Variants in DSEL observed in about 807,000 individuals in gnomAD.
DSEL encodes the protein dermatan-sulfate epimerase-like protein.
DSEL carries 61 observed loss-of-function variants against 96.6 expected under a neutral mutation model. The ratio of observed to expected loss-of-function variants is 0.63; its 90% CI spans 0.51 to 0.78. DSEL has a LOEUF of 0.78. Among genes scored for constraint, DSEL ranks in the 30% least tolerant of loss-of-function variants. DSEL has a pLI of 0.00. For synonymous variants in DSEL, 514 were observed against 502.0 expected, an observed-to-expected ratio of 1.02 and a Z score of -0.32; for missense variants, 1,320 against 1,430.8, an observed-to-expected ratio of 0.92 and a Z score of 1.25.
At chr18:67,515,978 C>G (rs1033409396) in intron 1 of DSEL, among the ~76,000 whole-genome samples, 2 of 148,732 alleles carry the variant, frequency 1.3e-5, no homozygotes, top group African/African-American at 5.0e-5. Context: ...CTAATGAGAA[C>G]TACTCGGACC....
Position 67,511,789 on chromosome 18 carries a change from A to T in DSEL, c.2820T>A (p.His940Gln), listed in dbSNP as rs145407597. The change falls in exon 2 of 2, where the codon CAT (histidine) becomes CAA (glutamine). Residue 940 changes from histidine to glutamine, a missense_variant. Physicochemically the swap from His to Gln is conservative, Grantham distance 24 (BLOSUM62 0). Transcript: ENST00000310045. ...TKLHLQNIHLHEPNRGKLAQY... is the reference protein window; with the variant it reads ...TKLHLQNIHLQEPNRGKLAQY... ...GGGCCAGTTTACCCCTATTGGGTTC[A>T]TGCAGATGGATGTTTTGCAAATGTA... The T allele has an allele frequency of 6.2e-7, 1 of 1,614,048 alleles. No individual in the cohort carries two copies. Among genetic ancestry groups the T allele is most frequent in the Non-Finnish European group, 8.5e-7 (1 of 1,180,040 alleles).
chr18:67,514,628 C>T lies in DSEL; in HGVS notation c.-20G>A. 3.1e-6 allele frequency: 5 copies of T among 1,612,052 alleles called. No individual in the cohort carries two copies. The highest frequency in any genetic ancestry group is 4.2e-6 in the Non-Finnish European group (5 of 1,179,026). On this transcript the variant is annotated 5_prime_UTR_variant, in exon 2 of 2. Coordinates refer to ENST00000310045, the MANE Select transcript of DSEL (RefSeq NM_032160.3). ...CGCCATGATCCATGGGGGAGCTCCT[C>T]CCTTAGGCATACATGTCAGATATGA... is the stretch of plus-strand genomic sequence containing the variant.
chr18:67,514,845 T>C lies in DSEL; in HGVS notation c.-237A>G, dbSNP rs2089466742. 4.0e-6 allele frequency: 2 copies of C among 503,856 alleles called. No individual in the cohort carries two copies. Among genetic ancestry groups the C allele is most frequent in the Non-Finnish European group, 7.1e-6 (2 of 280,308 alleles). The allele number at this position is 503,856 out of a possible 1,614,324, so 31.2% of individuals were successfully genotyped here. A position where few individuals can be genotyped will look rare whatever the true frequency, so the allele number is the denominator to read the frequency against. On this transcript the variant is annotated 5_prime_UTR_variant, in exon 2 of 2. Transcript: ENST00000310045. Reference sequence around the variant, plus strand: ...GCACAGTTTTGCTTCCAGTAAAACTTTGAATAACGTTAAAATCTCTAATTT... The same window carrying C: ...GCACAGTTTTGCTTCCAGTAAAACTCTGAATAACGTTAAAATCTCTAATTT...
intron 1 of DSEL, 66 bp from the exon 2 acceptor site, chr18:67,515,558 G>C (rs1311315535): frequency 5.6e-5 from 9 of 160,882 alleles, no homozygotes; most frequent in African/African-American, 2.2e-4. Flanking sequence ...AATATAAACT[G>C]ATGACTTAAA....
At position 67,510,742 on chromosome 18, in the gene DSEL, A is replaced by G. The variant is rs1432198137; in HGVS notation, c.*228T>C. On this transcript the variant is annotated 3_prime_UTR_variant, in exon 2 of 2. Coordinates refer to ENST00000310045, the MANE Select transcript of DSEL (RefSeq NM_032160.3). ...CTCTGTAGCAGAAACTTTTTAGCAGACAAAATTTTCAGAAACAAAGGCAAG... is the reference window on the plus strand; with the variant it reads ...CTCTGTAGCAGAAACTTTTTAGCAGGCAAAATTTTCAGAAACAAAGGCAAG... 2.1e-6 allele frequency: 1 copy of G among 480,100 alleles called. No individual in the cohort carries two copies. Among genetic ancestry groups the G allele is most frequent in the Non-Finnish European group, 3.6e-6 (1 of 275,740 alleles). 29.7% of individuals were successfully genotyped at this position (480,100 alleles called of 1,614,324 possible). A position where few individuals can be genotyped will look rare whatever the true frequency, so the allele number is the denominator to read the frequency against.
chr18:67,514,409 A>G lies in DSEL; in HGVS notation c.200T>C (p.Phe67Ser). 6.2e-7 allele frequency: 1 copy of G among 1,614,172 alleles called. No individual in the cohort carries two copies. The highest frequency in any genetic ancestry group is 8.5e-7 in the Non-Finnish European group (1 of 1,180,032). ...CATTGCTTGGATTTCTCCAGCATCA[A>G]AATATAAACTTGGATGAAGCATACT... ...KKSMLHPSLY[F>S]DAGEIQAMRQ... The change falls in exon 2 of 2, where the codon TTT (phenylalanine) becomes TCT (serine). Residue 67 changes from phenylalanine to serine, a missense_variant. Phe to Ser is a radical substitution (Grantham distance 155). This residue lies in a region of DSEL where 323 missense variants were observed against 333.1 expected (regional missense o/e 0.97). Transcript: ENST00000310045.
At position 67,512,950 on chromosome 18, in the gene DSEL, A is replaced by C. The variant is rs1381686502; in HGVS notation, c.1659T>G (p.Ser553Arg). The C allele has an allele frequency of 1.2e-6, 2 of 1,614,078 alleles. No homozygotes were observed. The highest frequency in any genetic ancestry group is 4.5e-5 in the East Asian group (2 of 44,872). ...ASQHGEMVFVSGEAVSAYSSA... is the reference protein window; with the variant it reads ...ASQHGEMVFVRGEAVSAYSSA... ...AAGAATAAGCAGACACGGCTTCCCC[A>C]CTCACAAATACCATTTCCCCATGTT... The change falls in exon 2 of 2, where the codon AGT becomes AGG. Residue 553 changes from serine (S) to arginine (R), a missense_variant. Transcript: ENST00000310045.
At position 67,511,298 on chromosome 18, in the gene DSEL, A is replaced by G. The variant is rs2089440508; in HGVS notation, c.3311T>C (p.Leu1104Pro). The G allele has an allele frequency of 6.2e-7, 1 of 1,609,148 alleles. No homozygotes were observed. Among genetic ancestry groups the G allele is most frequent in the Non-Finnish European group, 8.5e-7 (1 of 1,179,998 alleles). ...NAVSLLSHLW[L>P]ANTAAALRIN... ...TCTCAAGGCTGCTGCTGTATTTGCT[A>G]GCCACAAGTGAGACAAGAGGGACAC... The change falls in exon 2 of 2, where the codon CTA becomes CCA. Residue 1104 changes from leucine to proline, a missense_variant. Around this residue, in one of 3 missense-constraint regions of DSEL, gnomAD observed 986 missense variants for 1,066.4 expected, o/e 0.92. Coordinates refer to ENST00000310045, the MANE Select transcript of DSEL (RefSeq NM_032160.3).
At position 67,511,332 on chromosome 18, in the gene DSEL, A is replaced by AT; in HGVS notation, c.3276dup (p.Ser1093IlefsTer29). The AT allele has an allele frequency of 6.2e-7, 1 of 1,605,972 alleles. No individual in the cohort carries two copies. The highest frequency in any genetic ancestry group is 1.3e-5 in the African/African-American group (1 of 75,064). ...TGAGACAAGAGGGACACTGCATTTG[A>AT]TTTGGATTTTGATAATTCTTTCCTC... On this transcript the variant is annotated frameshift_variant, in exon 2 of 2. Coordinates refer to ENST00000310045, the MANE Select transcript of DSEL (RefSeq NM_032160.3). LOFTEE classifies it high-confidence loss of function.
At position 67,509,493 on chromosome 18, in the gene DSEL, A is replaced by C. The variant is rs1003680302; in HGVS notation, c.*1477T>G. On this transcript the variant is annotated 3_prime_UTR_variant, in exon 2 of 2. Coordinates refer to ENST00000310045, the MANE Select transcript of DSEL (RefSeq NM_032160.3). ...GGGAGGGGGGGCAGTCTCCACTCAC[A>C]CTATAATGGAAGAAAAATGACAGCC... The C allele has an allele frequency of 2.0e-5, 3 of 152,192 alleles. No individual in the cohort carries two copies. Among genetic ancestry groups the C allele is most frequent in the African/African-American group, 7.2e-5 (3 of 41,450 alleles). 9.4% of individuals were successfully genotyped at this position (152,192 alleles called of 1,614,324 possible).
chr18:67,508,403 CTG>C lies in DSEL; in HGVS notation c.*2565_*2566del, dbSNP rs2089422010. 1 of 152,224 alleles carries C rather than the reference CTG, an allele frequency of 6.6e-6. No homozygotes were observed. Among genetic ancestry groups the C allele is most frequent in the African/African-American group, 2.4e-5 (1 of 41,432 alleles). The allele number at this position is 152,224 out of a possible 1,614,324, so 9.4% of individuals were successfully genotyped here. On this transcript the variant is annotated 3_prime_UTR_variant, in exon 2 of 2. Coordinates refer to ENST00000310045, the MANE Select transcript of DSEL (RefSeq NM_032160.3). The stretch of plus-strand genomic sequence containing the variant: ...TACATAACATTCCTTACAGAACAAT[CTG>C]TGAGTGGACGCTTTCTCCAGCAAAC...
Position 67,510,281 on chromosome 18 carries a change from C to A in DSEL, c.*689G>T, listed in dbSNP as rs371708528. 1.1e-4 allele frequency: 16 copies of A among 152,238 alleles called. No individual in the cohort carries two copies. In the East Asian group the frequency reaches 1.7e-3, roughly 17 times the overall value. 9.4% of individuals were successfully genotyped at this position (152,238 alleles called of 1,614,324 possible). ...GTCTAAAATAATCTACCAGCCCTTG[C>A]CACCCAGATTGTTCAAAGACTTATT... is the stretch of plus-strand genomic sequence containing the variant. On this transcript the variant is annotated 3_prime_UTR_variant, in exon 2 of 2. Transcript: ENST00000310045.
In DSEL at chr18:67,509,227, G is replaced by T. The variant is rs1296122246; in HGVS notation, c.*1743C>A. ...CCTAGGAATTGAAAGTAAACACTGA[G>T]ATTCTGCCCAATAATGGAAATAGTG... On this transcript the variant is annotated 3_prime_UTR_variant, in exon 2 of 2. Coordinates refer to ENST00000310045, the MANE Select transcript of DSEL (RefSeq NM_032160.3). 6.6e-6 allele frequency: 1 copy of T among 152,162 alleles called. No individual in the cohort carries two copies. Among genetic ancestry groups the T allele is most frequent in the Non-Finnish European group, 1.5e-5 (1 of 68,044 alleles). 9.4% of individuals were successfully genotyped at this position (152,162 alleles called of 1,614,324 possible). A position where few individuals can be genotyped will look rare whatever the true frequency, so the allele number is the denominator to read the frequency against.
At position 67,511,153 on chromosome 18, in the gene DSEL, AG is replaced by A. The variant is rs1370309134; in HGVS notation, c.3455del (p.Ala1152ValfsTer3). On this transcript the variant is annotated frameshift_variant, in exon 2 of 2. Coordinates refer to ENST00000310045, the MANE Select transcript of DSEL (RefSeq NM_032160.3). LOFTEE classifies it high-confidence loss of function. ...TGGCAAACAATATTTGGTTTAAACT[AG>A]CAGGAGACAAAGGAATTCCAAGAAA... ...FAFLGIPLSP[A>X]SLNQILFATS... 1 of 1,614,056 alleles carries A rather than the reference AG, an allele frequency of 6.2e-7. No homozygotes were observed. Among genetic ancestry groups the A allele is most frequent in the Non-Finnish European group, 8.5e-7 (1 of 1,180,030 alleles).
Position 67,512,526 on chromosome 18 carries a change from T to TA in DSEL, c.2082dup (p.Ile695TyrfsTer2). The TA allele has an allele frequency of 6.2e-7, 1 of 1,614,144 alleles. No homozygotes were observed. The highest frequency in any genetic ancestry group is 8.5e-7 in the Non-Finnish European group (1 of 1,179,968). On this transcript the variant is annotated frameshift_variant, in exon 2 of 2. Transcript: ENST00000310045. LOFTEE classifies it high-confidence loss of function. ...TGAAGTCCAGGATTGGAACTATCAATAAATCTGCAGCTGGAGACATTGATA... is the reference window on the plus strand; with the variant it reads ...TGAAGTCCAGGATTGGAACTATCAATAAAATCTGCAGCTGGAGACATTGATA...
At position 67,515,352 on chromosome 18, in the gene DSEL, T is replaced by C. The variant is rs2089470008; in HGVS notation, c.-744A>G. The C allele has an allele frequency of 6.0e-6, 1 of 167,064 alleles. No homozygotes were observed. Among genetic ancestry groups the C allele is most frequent in the Non-Finnish European group, 1.5e-5 (1 of 68,124 alleles). 10.3% of individuals were successfully genotyped at this position (167,064 alleles called of 1,614,324 possible). ...TTCACATCTTCTTTTATCAGCTTCA[T>C]GTGTACAAACATAAAAATGGAATAT... On this transcript the variant is annotated 5_prime_UTR_variant, in exon 2 of 2. An upstream start codon of the reference 5' UTR is lost. Transcript: ENST00000310045.
rs2089418199 is a variant in DSEL at position 67,507,703 on chromosome 18, C to T, written c.*3267G>A. 6.6e-6 allele frequency: 1 copy of T among 152,096 alleles called. No individual in the cohort carries two copies. The highest frequency in any genetic ancestry group is 2.4e-5 in the African/African-American group (1 of 41,420). 9.4% of individuals were successfully genotyped at this position (152,096 alleles called of 1,614,324 possible). On this transcript the variant is annotated 3_prime_UTR_variant, in exon 2 of 2. Transcript: ENST00000310045. ...AATTTTGATACAAGGAAGGATTGTC[C>T]CATTCTTGTCAGGCATTTATTAGTT...
rs532653957 is a variant in DSEL at position 67,514,683 on chromosome 18, T to A, written c.-75A>T. 1 of 1,511,346 alleles carries A rather than the reference T, an allele frequency of 6.6e-7. No individual in the cohort carries two copies. The highest frequency in any genetic ancestry group is 1.9e-5 in the Admixed American group (1 of 51,792). 93.6% of individuals were successfully genotyped at this position (1,511,346 alleles called of 1,614,324 possible). A position where few individuals can be genotyped will look rare whatever the true frequency, so the allele number is the denominator to read the frequency against. ...CAATGTGTTTCCCATCTGGTTAGTA[T>A]AAAACATACAGTAAAGGCCTTGATA... is the stretch of plus-strand genomic sequence containing the variant. On this transcript the variant is annotated 5_prime_UTR_variant, in exon 2 of 2. Transcript: ENST00000310045.
In DSEL at chr18:67,513,738, C is replaced by T; in HGVS notation, c.871G>A (p.Val291Ile). Residue 291 changes from valine (V) to isoleucine (I), a missense_variant, in exon 2 of 2, where the codon GTT becomes ATT. Coordinates refer to ENST00000310045, the MANE Select transcript of DSEL (RefSeq NM_032160.3). ...SYTAKSVTQY[V>I]FLAQRHFNIN... ...TTAAAATGGCGCTGGGCCAGAAAAACATACTGTGTGACGGATTTAGCTGTG... is the reference window on the plus strand; with the variant it reads ...TTAAAATGGCGCTGGGCCAGAAAAATATACTGTGTGACGGATTTAGCTGTG... 6.2e-7 allele frequency: 1 copy of T among 1,614,202 alleles called. No homozygotes were observed. The highest frequency in any genetic ancestry group is 8.5e-7 in the Non-Finnish European group (1 of 1,180,048).
Sources: allele counts gnomAD v4.1 joint callset (sites outside exome capture counted in the v4.1 genomes callset), GRCh38; gene constraint gnomAD v4.1.1; regional missense constraint gnomAD v4.1.1; transcripts MANE v1.5; gene names NCBI Gene and HGNC (gene_info 2026-07-23, HGNC 2026-07-21).